Variants in CDK14 observed in about 807,000 individuals in gnomAD.
CDK14 encodes cyclin dependent kinase 14.
Under a neutral mutation model 60.7 loss-of-function variants are expected in CDK14, and 34 were observed. That is an observed-to-expected ratio of 0.56 (90% CI 0.43 to 0.75). The LOEUF (loss-of-function observed/expected upper bound fraction) is 0.75, where lower values mean the gene tolerates loss of function less well. Ranked by LOEUF, CDK14 falls within the 30% of genes least tolerant of loss-of-function variation. The pLI, the probability that CDK14 is intolerant of heterozygous loss-of-function variation, is 0.00. For synonymous variants in CDK14, 197 were observed against 203.7 expected (o/e 0.97, Z 0.28); for missense variants, 482 against 564.1 (o/e 0.85, Z 1.47).
intron 4 of CDK14, among the ~76,000 whole-genome samples, chr7:90,761,989 G>A (rs938957795): frequency 6.6e-5 from 10 of 152,190 alleles, no homozygotes; most frequent in Non-Finnish European, 1.5e-4. Context: ...GACAGAATCT[G>A]TAATTGTAAA....
chr7:90,601,952 A>G (rs752367536), intron 1 of CDK14, among the ~76,000 whole-genome samples: 16 of 151,620 alleles, frequency 1.1e-4, no homozygotes, highest in Admixed American at 5.3e-4. Context: ...GTATGTATGT[A>G]TGTATGTATG....
chr7:91,109,384 AG>A (rs1799410009), intron 12 of CDK14, among the ~76,000 whole-genome samples: 1 of 152,182 alleles, frequency 6.6e-6, no homozygotes, highest in African/African-American at 2.4e-5. Flanking sequence ...AACTTGTGAA[AG>A]CTTAAACACC....
At chr7:90,765,703 C>T (rs1378392761) in intron 4 of CDK14, among the ~76,000 whole-genome samples, 1 of 149,816 alleles carries the variant, frequency 6.7e-6, no homozygotes, top group African/African-American at 2.5e-5. Flanking sequence ...GGGTAAAATA[C>T]ATATAAGCTA....
At chr7:91,155,675 C>T (rs1800961128) in intron 14 of CDK14, among the ~76,000 whole-genome samples, 3 of 152,254 alleles carry the variant, frequency 2.0e-5, no homozygotes, top group Admixed American at 2.0e-4. Flanking sequence ...AGAAAATAAA[C>T]AAGATTGCAA....
At chr7:90,855,089 G>A (rs1362108368) in intron 5 of CDK14, among the ~76,000 whole-genome samples, 2 of 152,202 alleles carry the variant, frequency 1.3e-5, no homozygotes, top group African/African-American at 4.8e-5. Flanking sequence ...AACTAGCAGT[G>A]AATGGAGACA....
At chr7:90,778,122 C>T (rs1404299227) in intron 4 of CDK14, among the ~76,000 whole-genome samples, 1 of 152,172 alleles carries the variant, frequency 6.6e-6, no homozygotes, top group Non-Finnish European at 1.5e-5. Flanking sequence ...CTACTGAGAT[C>T]CAGACTCATA....
At chr7:90,980,805 A>G (rs188574096) in intron 9 of CDK14, among the ~76,000 whole-genome samples, 158 of 152,322 alleles carry the variant, frequency 1.0e-3, no homozygotes, top group African/African-American at 3.5e-3. Flanking sequence ...TAAAAATGCT[A>G]CATCATTTCA....
At chr7:91,005,338 GGGTC>G (rs1795952099) in intron 10 of CDK14, among the ~76,000 whole-genome samples, 2 of 152,238 alleles carry the variant, frequency 1.3e-5, no homozygotes, top group Non-Finnish European at 2.9e-5. Flanking sequence ...TCCTCGTTCA[GGGTC>G]CCTCCAGCAC....
At chr7:91,089,879 G>A (rs1335687880) in intron 12 of CDK14, among the ~76,000 whole-genome samples, 4 of 151,982 alleles carry the variant, frequency 2.6e-5, no homozygotes, top group African/African-American at 9.7e-5. Context: ...TTTTCATTTG[G>A]CTCTCATTTC....
At chr7:90,824,874 A>C (rs933766255) in intron 5 of CDK14, 6 of 152,236 alleles carry the variant, frequency 3.9e-5, no homozygotes, top group African/African-American at 1.2e-4. Context: ...AAAAATAGAC[A>C]ATATAACTTG....
Position 90,917,719 on chromosome 7 carries a change from A to C in CDK14, c.821A>C (p.Asp274Ala). Reference sequence around the variant, plus strand: ...GACACGGGGGAGTTAAAGCTGGCAGATTTCGGTAGGAAAGCAGTTAATTAC... The same window carrying C: ...GACACGGGGGAGTTAAAGCTGGCAGCTTTCGGTAGGAAAGCAGTTAATTAC... ...ISDTGELKLA[D>A]FGLARAKSVP... The change falls in exon 8 of 15, where the codon GAT becomes GCT. Residue 274 changes from aspartate (D) to alanine (A), a missense_variant. Coordinates refer to ENST00000380050, the MANE Select transcript of CDK14 (RefSeq NM_001287135.2). 1 of 1,612,674 alleles carries C rather than the reference A, an allele frequency of 6.2e-7. No individual in the cohort carries two copies. The highest frequency in any genetic ancestry group is 1.1e-5 in the South Asian group (1 of 90,896).
At chr7:90,623,373 T>G (rs1358378016) in intron 2 of CDK14, among the ~76,000 whole-genome samples, 1 of 152,172 alleles carries the variant, frequency 6.6e-6, no homozygotes, top group African/African-American at 2.4e-5. Flanking sequence ...AATTTTGATA[T>G]CTTTATAGTT....
intron 14 of CDK14, among the ~76,000 whole-genome samples, chr7:91,126,670 G>A (rs1445465540): frequency 6.6e-6 from 1 of 151,930 alleles, no homozygotes; most frequent in Non-Finnish European, 1.5e-5. Flanking sequence ...AATGATCTCA[G>A]GATGTAAAGA....
intron 5 of CDK14, among the ~76,000 whole-genome samples, chr7:90,854,687 C>A (rs964477666): frequency 6.6e-6 from 1 of 150,450 alleles, no homozygotes; most frequent in African/African-American, 2.5e-5. Flanking sequence ...CTTTGTAGTG[C>A]TCTTGTTAAC....
chr7:90,637,415 G>T (rs1208431232), intron 2 of CDK14, among the ~76,000 whole-genome samples: 1 of 152,222 alleles, frequency 6.6e-6, no homozygotes, highest in East Asian at 1.9e-4. Context: ...TCAGGAGCAG[G>T]TTGTTCAGTT....
intron 5 of CDK14, among the ~76,000 whole-genome samples, chr7:90,847,684 A>C (rs1396142142): frequency 6.6e-6 from 1 of 152,198 alleles, no homozygotes; most frequent in East Asian, 1.9e-4. Flanking sequence ...ATGTTATATA[A>C]ATGTACCATA....
At chr7:91,160,505 G>A (rs1468381824) in intron 14 of CDK14, among the ~76,000 whole-genome samples, 1 of 152,030 alleles carries the variant, frequency 6.6e-6, no homozygotes, top group Non-Finnish European at 1.5e-5. Flanking sequence ...GATGGGGGGG[G>A]ATATAAATTC....
chr7:90,827,839 C>T (rs926956678), intron 5 of CDK14, among the ~76,000 whole-genome samples: 14 of 152,196 alleles, frequency 9.2e-5, no homozygotes, highest in African/African-American at 3.4e-4. Flanking sequence ...ACAACCAGAA[C>T]TTCTCCATGT....
intron 14 of CDK14, among the ~76,000 whole-genome samples, chr7:91,139,912 TCA>T (rs367567900): frequency 3.2e-4 from 49 of 152,104 alleles, no homozygotes; most frequent in Middle Eastern, 3.4e-3. Flanking sequence ...TTTCTTTCTT[TCA>T]AGACGAAGTA....
Sources: gnomAD v4.1 joint callset for allele counts (sites outside exome capture counted in the v4.1 genomes callset) on GRCh38, gnomAD v4.1.1 for gene constraint, MANE v1.5 for transcripts, NCBI Gene and HGNC (gene_info 2026-07-23, HGNC 2026-07-21) for gene names.